Variants in CPE observed in about 807,000 individuals in gnomAD.
CPE encodes the protein carboxypeptidase E, also known as carbocypeptidase E.
CPE carries 17 observed loss-of-function variants against 53.5 expected under a neutral mutation model. That is an observed-to-expected ratio of 0.32 (90% confidence interval 0.22 to 0.48). CPE has a LOEUF of 0.48. CPE is among the 20% of genes least tolerant of loss of function. The pLI is 0.99. For missense variants in CPE, 524 were observed against 614.7 expected (o/e 0.85, Z 1.56); for synonymous variants, 226 against 228.8 (o/e 0.99, Z 0.11).
At chr4:165,418,136 A>G (rs1405314861) in intron 1 of CPE, 1 of 152,354 alleles carries the variant, frequency 6.6e-6, no homozygotes, top group South Asian at 2.1e-4. Flanking sequence ...TTTAAAACGC[A>G]AATATCACCA....
chr4:165,384,287 T>C (rs994012687), intron 1 of CPE, among the ~76,000 whole-genome samples: 1 of 152,230 alleles, frequency 6.6e-6, no homozygotes, highest in African/African-American at 2.4e-5. Context: ...TAGGCTAATG[T>C]ATGTTTCAAA....
chr4:165,424,161 C>G (rs949200155), intron 1 of CPE, among the ~76,000 whole-genome samples: 1 of 151,626 alleles, frequency 6.6e-6, no homozygotes, highest in Non-Finnish European at 1.5e-5. Flanking sequence ...GATATTTTGC[C>G]TTTTCAAATT....
chr4:165,496,102 A>G lies in CPE; in HGVS notation c.1332+425A>G, dbSNP rs958952700. 3.9e-5 allele frequency among the ~76,000 whole-genome samples: 6 copies of G among 152,300 alleles called. No homozygotes were observed. In the East Asian group the frequency reaches 1.2e-3, roughly 29 times the overall value. ...TTTTATGTGCAAGGCTCTCTGTGCT[A>G]AGTAGTATCAAAAACCATATCTTAT... is the stretch of plus-strand genomic sequence containing the variant. On this transcript the variant is annotated intron_variant, in intron 8 of 8. Transcript: ENST00000402744.
chr4:165,464,702 G>A (rs1031065303), intron 2 of CPE, 116 bp downstream of exon 2: 23 of 810,188 alleles, frequency 2.8e-5, no homozygotes, highest in Admixed American at 6.9e-5. Flanking sequence ...TGCAGTGGAG[G>A]GCATAAGTGA....
chr4:165,410,291 A>G (rs1430119377), intron 1 of CPE, among the ~76,000 whole-genome samples: 1 of 151,938 alleles, frequency 6.6e-6, no homozygotes, highest in Admixed American at 6.6e-5. Context: ...ATCTTGAACT[A>G]TGTGAACAAC....
At chr4:165,395,613 T>A (rs1165369688) in intron 1 of CPE, among the ~76,000 whole-genome samples, 3 of 152,250 alleles carry the variant, frequency 2.0e-5, no homozygotes, top group Non-Finnish European at 4.4e-5. Flanking sequence ...TCTTGCCTTC[T>A]GTTAAATATG....
Position 165,407,406 on chromosome 4 carries a change from C to CT in CPE, c.307+27891dup, listed in dbSNP as rs879939668. Among the ~76,000 whole-genome samples, 687 of 143,334 alleles carry CT rather than the reference C, an allele frequency of 4.8e-3. 4 individuals are homozygous for CT. Among genetic ancestry groups the CT allele is most frequent in the African/African-American group, 0.013 (497 of 39,148 alleles). The allele number at this position is 143,334 out of a possible 152,430, so 94.0% of individuals were successfully genotyped here. ...TATCTTCTTTGGAGAAACTTCCATT[C>CT]TTTTTTTTTTTTTGAGATGGGGTCC... On this transcript the variant is annotated intron_variant, in intron 1 of 8. Transcript: ENST00000402744.
At chr4:165,428,413 A>C (rs1206952719) in intron 1 of CPE, among the ~76,000 whole-genome samples, 1 of 146,042 alleles carries the variant, frequency 6.8e-6, no homozygotes, top group Non-Finnish European at 1.5e-5. Context: ...AAATAATTGA[A>C]TTGTTGCTCA....
At chr4:165,467,622 C>A (rs944819846) in intron 2 of CPE, 66 bp from the exon 3 acceptor site, 2 of 1,463,996 alleles carry the variant, frequency 1.4e-6, no homozygotes, top group Admixed American at 4.5e-5. Context: ...TGATAGGGAC[C>A]TTAAATAGAA....
intron 1 of CPE, among the ~76,000 whole-genome samples, chr4:165,407,138 CTTTG>C (rs1730966548): frequency 6.6e-6 from 1 of 152,096 alleles, no homozygotes; most frequent in South Asian, 2.1e-4. Flanking sequence ...TATTGCAGTT[CTTTG>C]TTTAACATTT....
chr4:165,470,004 A>G (rs1027219960), intron 3 of CPE, among the ~76,000 whole-genome samples: 1 of 152,194 alleles, frequency 6.6e-6, no homozygotes, highest in African/African-American at 2.4e-5. Context: ...GGCTGAGCCT[A>G]CAGGTGGGGG....
At chr4:165,411,841 G>A (rs1731047226) in intron 1 of CPE, among the ~76,000 whole-genome samples, 1 of 152,190 alleles carries the variant, frequency 6.6e-6, no homozygotes, top group Non-Finnish European at 1.5e-5. Flanking sequence ...CACTATACCT[G>A]TGGCTGGTGA....
At chr4:165,395,858 G>T (rs1730755568) in intron 1 of CPE, among the ~76,000 whole-genome samples, 1 of 152,240 alleles carries the variant, frequency 6.6e-6, no homozygotes, top group African/African-American at 2.4e-5. Flanking sequence ...TGTCATGAAA[G>T]GTTTGTGAAC....
chr4:165,481,780 G>T (rs188179261), intron 3 of CPE, among the ~76,000 whole-genome samples: 25 of 152,288 alleles, frequency 1.6e-4, no homozygotes, highest in African/African-American at 5.8e-4. Context: ...TGGGAAAATA[G>T]TAAGCAAAAT....
chr4:165,396,209 A>G (rs757398843), intron 1 of CPE, among the ~76,000 whole-genome samples: 1 of 152,124 alleles, frequency 6.6e-6, no homozygotes, highest in South Asian at 2.1e-4. Context: ...TTGTTCCTGG[A>G]GTCATCTTTA....
At chr4:165,497,463 A>T in intron 8 of CPE, 49 bp from the exon 9 acceptor site, 1 of 1,095,984 alleles carries the variant, frequency 9.1e-7, no homozygotes, top group Non-Finnish European at 1.2e-6. Flanking sequence ...TTCAATTTAA[A>T]AAAACACATG....
chr4:165,496,630 T>C (rs929759744), intron 8 of CPE, among the ~76,000 whole-genome samples: 1 of 152,082 alleles, frequency 6.6e-6, no homozygotes, highest in Non-Finnish European at 1.5e-5. Flanking sequence ...CCTGAGGGGA[T>C]TGGGGTTGGG....
intron 3 of CPE, among the ~76,000 whole-genome samples, chr4:165,473,358 G>T (rs1338159696): frequency 6.6e-6 from 1 of 152,052 alleles, no homozygotes; most frequent in Non-Finnish European, 1.5e-5. Context: ...TATAGCTTTT[G>T]AATTATATTA....
At chr4:165,406,218 C>A in intron 1 of CPE, 1 of 665,050 alleles carries the variant, frequency 1.5e-6, no homozygotes, top group Non-Finnish European at 2.9e-6. Flanking sequence ...CCCTTTGACT[C>A]CATAGTTAAT....
Sources: gnomAD v4.1 joint callset for allele counts (sites outside exome capture counted in the v4.1 genomes callset) on GRCh38, gnomAD v4.1.1 for gene constraint, MANE v1.5 for transcripts, NCBI Gene and HGNC (gene_info 2026-07-23, HGNC 2026-07-21) for gene names.